Variants in IL1RAPL2 observed in about 807,000 individuals in gnomAD.
The protein encoded by IL1RAPL2 is X-linked interleukin-1 receptor accessory protein-like 2.
In IL1RAPL2, 3 loss-of-function variants were observed where a neutral mutation model predicts 44.1. The observed-to-expected ratio is 0.07, with a 90% confidence interval of 0.03 to 0.18. The LOEUF is 0.18. Among genes scored for constraint, IL1RAPL2 ranks in the 10% least tolerant of loss-of-function variants. IL1RAPL2 has a pLI of 1.00. For synonymous variants in IL1RAPL2, 181 were observed against 178.8 expected (o/e 1.01, Z -0.10); for missense variants, 391 against 496.4 (o/e 0.79, Z 2.02).
At chrX:105,359,771 T>C (rs1256977613) in intron 5 of IL1RAPL2, among the ~76,000 whole-genome samples, 1 of 26,332 alleles carries the variant, frequency 3.8e-5, no homozygotes, top group East Asian at 2.7e-3. Flanking sequence ...TAATAATACA[T>C]TTAGTAATAG....
At chrX:105,284,714 A>T (rs1268564423) in intron 5 of IL1RAPL2, among the ~76,000 whole-genome samples, 7 of 111,802 alleles carry the variant, frequency 6.3e-5, no homozygotes, top group Non-Finnish European at 1.3e-4. Flanking sequence ...TGGTGAGGAA[A>T]TCAAGACTCA....
intron 1 of IL1RAPL2, among the ~76,000 whole-genome samples, chrX:104,632,979 G>T (rs1929690132): frequency 9.0e-6 from 1 of 111,472 alleles, no homozygotes; most frequent in Non-Finnish European, 1.9e-5. Context: ...CTGTGGGTTT[G>T]TCATAGATAG....
chrX:104,763,186 A>C (rs1324161061), intron 2 of IL1RAPL2, among the ~76,000 whole-genome samples: 1 of 111,879 alleles, frequency 8.9e-6, no homozygotes, highest in Non-Finnish European at 1.9e-5. Flanking sequence ...TCTCTAGGGC[A>C]GGGGCAAAAA....
chrX:105,318,310 A>T (rs926790111), intron 5 of IL1RAPL2, among the ~76,000 whole-genome samples: 1 of 111,735 alleles, frequency 8.9e-6, no homozygotes, highest in African/African-American at 3.3e-5. Flanking sequence ...TGCTGAGAAC[A>T]CTTAGGCACT....
chrX:105,250,134 A>G (rs190963639), intron 4 of IL1RAPL2, among the ~76,000 whole-genome samples: 64 of 111,624 alleles, frequency 5.7e-4, no homozygotes, highest in African/African-American at 1.8e-3. Flanking sequence ...GCTTAGAACT[A>G]TATGACATTC....
intron 6 of IL1RAPL2, among the ~76,000 whole-genome samples, chrX:105,489,206 A>G (rs1052446867): frequency 2.7e-5 from 3 of 111,764 alleles, no homozygotes; most frequent in African/African-American, 9.7e-5. Flanking sequence ...CAAAATTCCA[A>G]TTTGGTCCTG....
At chrX:105,166,433 C>T (rs1285184662) in intron 2 of IL1RAPL2, among the ~76,000 whole-genome samples, 2 of 112,192 alleles carry the variant, frequency 1.8e-5, no homozygotes, top group African/African-American at 6.5e-5. Context: ...GCTTCATATA[C>T]CTGCAAGAGG....
chrX:105,203,371 C>T (rs782599193), intron 3 of IL1RAPL2, among the ~76,000 whole-genome samples: 1 of 112,063 alleles, frequency 8.9e-6, no homozygotes, highest in Non-Finnish European at 1.9e-5. Context: ...CCACTATTCC[C>T]GGTTTCTTGC....
intron 2 of IL1RAPL2, among the ~76,000 whole-genome samples, chrX:105,088,722 C>T (rs1289345919): frequency 9.0e-6 from 1 of 111,359 alleles, no homozygotes; most frequent in African/African-American, 3.3e-5. Flanking sequence ...AATAGAGACC[C>T]ACTTATTGGT....
intron 5 of IL1RAPL2, among the ~76,000 whole-genome samples, chrX:105,283,647 G>T (rs970995278): frequency 9.0e-6 from 1 of 110,829 alleles, no homozygotes; most frequent in Non-Finnish European, 1.9e-5. Context: ...TTTGTGAGGG[G>T]TTACAAAAGT....
At chrX:105,502,872 C>T in intron 6 of IL1RAPL2, among the ~76,000 whole-genome samples, 1 of 110,501 alleles carries the variant, frequency 9.0e-6, no homozygotes. Flanking sequence ...AAAAAAAATG[C>T]AAATGTAGTT....
chrX:105,385,302 G>C (rs941505262), intron 5 of IL1RAPL2, among the ~76,000 whole-genome samples: 4 of 110,559 alleles, frequency 3.6e-5, no homozygotes, highest in Middle Eastern at 9.3e-3. Flanking sequence ...TCAATTCTTA[G>C]AACAACCTTA....
chrX:105,492,076 C>T (rs1174573520), intron 6 of IL1RAPL2, among the ~76,000 whole-genome samples: 2 of 111,462 alleles, frequency 1.8e-5, no homozygotes, highest in African/African-American at 6.5e-5. Flanking sequence ...AAGCCAAAAC[C>T]ATTATTTCAT....
intron 1 of IL1RAPL2, among the ~76,000 whole-genome samples, chrX:104,637,261 G>T (rs1353169415): frequency 9.0e-6 from 1 of 111,075 alleles, no homozygotes; most frequent in African/African-American, 3.3e-5. Flanking sequence ...CATGGCATCA[G>T]AAAAGAGGGA....
chrX:104,876,452 T>C (rs918547441), intron 2 of IL1RAPL2, among the ~76,000 whole-genome samples: 1 of 111,680 alleles, frequency 9.0e-6, no homozygotes, highest in Admixed American at 9.6e-5. Context: ...TTTTTCGTCT[T>C]TTCCCACTTA....
chrX:105,115,579 A>G (rs1163422210), intron 2 of IL1RAPL2, among the ~76,000 whole-genome samples: 1 of 112,148 alleles, frequency 8.9e-6, no homozygotes, highest in Non-Finnish European at 1.9e-5. Context: ...TGGTGTATTT[A>G]AAAAACCTTG....
intron 2 of IL1RAPL2, among the ~76,000 whole-genome samples, chrX:104,857,462 C>T (rs981389395): frequency 1.8e-5 from 2 of 111,855 alleles, no homozygotes; most frequent in Non-Finnish European, 3.8e-5. Flanking sequence ...AGTGTATTTA[C>T]TATTTCAAAA....
intron 2 of IL1RAPL2, among the ~76,000 whole-genome samples, chrX:104,863,350 G>A (rs1922539390): frequency 9.0e-6 from 1 of 111,565 alleles, no homozygotes; most frequent in African/African-American, 3.3e-5. Flanking sequence ...GTGGCAGGTT[G>A]GAGAGGGATA....
chrX:105,004,956 T>C (rs987306410), intron 2 of IL1RAPL2, among the ~76,000 whole-genome samples: 2 of 111,191 alleles, frequency 1.8e-5, no homozygotes, highest in African/African-American at 6.5e-5. Context: ...TTAATGTTAA[T>C]GGAAAAATTT....
Sources: allele counts gnomAD v4.1 joint callset (sites outside exome capture counted in the v4.1 genomes callset), GRCh38; gene constraint gnomAD v4.1.1; transcripts MANE v1.5; gene names NCBI Gene and HGNC (gene_info 2026-07-23, HGNC 2026-07-21).